The following NFRKB variants were observed in gnomAD, a reference collection of about 807,000 sequenced individuals.
The protein encoded by NFRKB is nuclear factor related to kappa-B-binding protein.
In NFRKB, 62 loss-of-function variants were observed where a neutral mutation model predicts 135.7. That is an observed-to-expected ratio of 0.46 (90% confidence interval 0.37 to 0.56). The LOEUF is 0.56. Ranked by LOEUF, NFRKB falls within the 20% of genes least tolerant of loss-of-function variation. The pLI, the probability that NFRKB is intolerant of heterozygous loss-of-function variation, is 0.00. For missense variants in NFRKB, 1,545 were observed against 1,662.0 expected, an observed-to-expected ratio of 0.93 and a Z score of 1.22; for synonymous variants, 678 against 635.6, an observed-to-expected ratio of 1.07 and a Z score of -1.00.
Position 129,884,828 on chromosome 11 carries a change from G to C in NFRKB, c.659C>G (p.Pro220Arg). 6.2e-7 allele frequency: 1 copy of C among 1,614,194 alleles called. No individual in the cohort carries two copies. Among genetic ancestry groups the C allele is most frequent in the Non-Finnish European group, 8.5e-7 (1 of 1,180,012 alleles). The part of the protein sequence containing the change: ...SDEEDLSSWL[P>R]SSPARSPSPA... The stretch of plus-strand genomic sequence containing the variant: ...ACTAGGAGAACGTGCTGGAGAGCTC[G>C]GAAGCCATGAGCTGAGATCTTCAAA... Residue 220 changes from proline to arginine, a missense_variant, in exon 7 of 27, where the codon CCG becomes CGG. Pro to Arg is a moderately radical substitution (Grantham distance 103). This residue lies in a region of NFRKB where 678 missense variants were observed against 646.7 expected (regional missense o/e 1.05). Transcript: ENST00000682444.
At chr11:129,885,020 C>A in intron 6 of NFRKB, 174 bp from the exon 7 acceptor site, 1 of 891,944 alleles carries the variant, frequency 1.1e-6, no homozygotes, top group Non-Finnish European at 1.7e-6. Context: ...GGTCATCTAA[C>A]GGCTCTTCCA....
rs1212608056 is a variant in NFRKB at position 129,874,512 on chromosome 11, GGGGCTT to G, written c.2041_2046del (p.Lys681_Pro682del). On this transcript the variant is annotated inframe_deletion, in exon 20 of 27. Coordinates refer to ENST00000682444, the MANE Select transcript of NFRKB (RefSeq NM_001143835.2). The surrounding 1 kb of genome is among the most constrained non-coding windows in gnomAD (Gnocchi z 4.5). ...CTGAAGTCACTTACCACCTTGGATG[GGGGCTT>G]GGGTTTTTGCTGAAGAGCTTTTCTG... 1 of 1,613,880 alleles carries G rather than the reference GGGGCTT, an allele frequency of 6.2e-7. No homozygotes were observed. Among genetic ancestry groups the G allele is most frequent in the Non-Finnish European group, 8.5e-7 (1 of 1,179,978 alleles).
At chr11:129,888,545 G>A (rs368130249) in intron 4 of NFRKB, 49 bp downstream of exon 4, 89 of 1,499,170 alleles carry the variant, frequency 5.9e-5, no homozygotes, top group Non-Finnish European at 8.1e-5. Context: ...TAAAGTGAAC[G>A]TGTGCCCATC....
intron 24 of NFRKB, among the ~76,000 whole-genome samples, chr11:129,866,943 C>A (rs1948221761): frequency 6.6e-6 from 1 of 152,084 alleles, no homozygotes; most frequent in South Asian, 2.1e-4. Context: ...CAGCCTGGAG[C>A]CTGTTAAAAA....
At chr11:129,882,036 T>C (rs755571094) in intron 11 of NFRKB, 50 bp downstream of exon 11, 3 of 1,517,778 alleles carry the variant, frequency 2.0e-6, no homozygotes, top group South Asian at 1.3e-5. Context: ...ATTCAGGATT[T>C]GAACACTTTG....
chr11:129,864,600 T>C lies in NFRKB; in HGVS notation c.*125A>G. On this transcript the variant is annotated 3_prime_UTR_variant, in exon 27 of 27. Transcript: ENST00000682444. ...CCAGGCCACGAATCCAGGCCACCGT[T>C]GCCATCACCCCTCGCCTGGCTGCCT... is the stretch of plus-strand genomic sequence containing the variant. The C allele has an allele frequency of 7.4e-7, 1 of 1,357,360 alleles. No individual in the cohort carries two copies. The highest frequency in any genetic ancestry group is 1.4e-5 in the African/African-American group (1 of 69,704). The allele number at this position is 1,357,360 out of a possible 1,614,324, so 84.1% of individuals were successfully genotyped here.
intron 4 of NFRKB, 149 bp from the exon 5 acceptor site, chr11:129,886,593 A>G (rs2135670418): frequency 1.4e-6 from 1 of 730,876 alleles, no homozygotes; most frequent in South Asian, 1.9e-5. Context: ...AAGAAGGAGA[A>G]CCAAAAGTAA....
In NFRKB at chr11:129,886,369, G is replaced by A. The variant is rs760461156; in HGVS notation, c.413C>T (p.Ser138Phe). 6.2e-7 allele frequency: 1 copy of A among 1,614,126 alleles called. No individual in the cohort carries two copies. The highest frequency in any genetic ancestry group is 1.7e-5 in the Admixed American group (1 of 60,018). ...CAGCCGATGGAAATACTGCTGCTGG[G>A]AGTTGAGGTAGCGCTTGTACTGTGA... ...FKSQYKRYLN[S>F]QQQYFHRLLK... The change falls in exon 5 of 27, where the codon TCC becomes TTC. Residue 138 changes from serine to phenylalanine, a missense_variant. By Grantham distance (155) the Ser-to-Phe change is radical. Coordinates refer to ENST00000682444, the MANE Select transcript of NFRKB (RefSeq NM_001143835.2).
chr11:129,888,432 G>A (rs1650823), intron 4 of NFRKB, 162 bp downstream of exon 4: 526,210 of 762,316 alleles, frequency 0.69, 186,063 homozygotes, highest in African/African-American at 0.88. Flanking sequence ...TTGTTTTTTA[G>A]AACACAGCCT....
intron 13 of NFRKB, 146 bp from the exon 14 acceptor site, chr11:129,878,689 A>G (rs1437331911): frequency 1.4e-6 from 1 of 703,230 alleles, no homozygotes; most frequent in African/African-American, 1.8e-5. Context: ...ACTGCCTTCC[A>G]GCTGGCGGAA....
chr11:129,870,562 T>A (rs969667394), intron 23 of NFRKB, among the ~76,000 whole-genome samples: 2 of 152,142 alleles, frequency 1.3e-5, no homozygotes, highest in African/African-American at 2.4e-5. Flanking sequence ...TCTGTATACA[T>A]CAATAACCTA....
At chr11:129,877,210 T>C (rs1675683436) in intron 16 of NFRKB, 115 bp downstream of exon 16, 1 of 1,076,232 alleles carries the variant, frequency 9.3e-7, no homozygotes, top group Non-Finnish European at 1.4e-6. Flanking sequence ...ACAGAAGGTC[T>C]AAGGGGAAAG....
At chr11:129,866,023 T>A (rs1948175323) in intron 24 of NFRKB, 40 bp from the exon 25 acceptor site, 3 of 1,530,750 alleles carry the variant, frequency 2.0e-6, no homozygotes, top group Admixed American at 1.9e-5. Context: ...AGACAGGAGG[T>A]AAGGAAAACC....
At chr11:129,884,221 T>C in intron 7 of NFRKB, 78 bp from the exon 8 acceptor site, 1 of 1,454,122 alleles carries the variant, frequency 6.9e-7, no homozygotes, top group South Asian at 1.1e-5. Context: ...AAAAGTAAGA[T>C]ATTTCTGAGT....
chr11:129,889,407 C>T (rs1037205138), intron 3 of NFRKB, among the ~76,000 whole-genome samples: 4 of 151,990 alleles, frequency 2.6e-5, no homozygotes, highest in Admixed American at 6.6e-5. Context: ...CCTCTGCCAA[C>T]GAGGGTATGA....
chr11:129,874,362 T>C lies in NFRKB; in HGVS notation c.2059-29A>G. ...GAACGGAAGACAAAGAAAACTCACC[T>C]GGTGTCGTGAAGATCCCCCTAAAGG... is the stretch of plus-strand genomic sequence containing the variant. On this transcript the variant is annotated intron_variant, in intron 20 of 26. Coordinates refer to ENST00000682444, the MANE Select transcript of NFRKB (RefSeq NM_001143835.2). The surrounding 1 kb of genome is among the most constrained non-coding windows in gnomAD (Gnocchi z 4.5). The C allele has an allele frequency of 1.3e-6, 2 of 1,520,004 alleles. No individual in the cohort carries two copies. Among genetic ancestry groups the C allele is most frequent in the Non-Finnish European group, 1.8e-6 (2 of 1,136,808 alleles). 94.2% of individuals were successfully genotyped at this position (1,520,004 alleles called of 1,614,324 possible).
rs778463750 is a variant in NFRKB, at chr11:129,869,730, G to A, written c.3295C>T (p.Pro1099Ser). 7.4e-6 allele frequency: 12 copies of A among 1,614,124 alleles called. No individual in the cohort carries two copies. The South Asian group carries it at 1.2e-4, about 16-fold the overall frequency. ...ACGGTGATGGTCTGGCCTGCTTTGG[G>A]AGGCATCACTCCCAGTCCCTGCACG... Reference protein sequence around the residue: ...RIVQGLGVMPPKAGQTITVAT... With the variant: ...RIVQGLGVMPSKAGQTITVAT... The change falls in exon 24 of 27, where the codon CCC (proline) becomes TCC (serine). Residue 1099 changes from proline (P) to serine (S), a missense_variant. Pro to Ser is a moderately conservative substitution (Grantham distance 74, BLOSUM62 -1). Transcript: ENST00000682444.
intron 15 of NFRKB, among the ~76,000 whole-genome samples, chr11:129,877,736 T>G (rs1303125403): frequency 6.6e-6 from 1 of 151,990 alleles, no homozygotes; most frequent in Non-Finnish European, 1.5e-5. Context: ...TAGATAAGGG[T>G]TGTTTTTCTA....
At chr11:129,889,000 G>A (rs912751200) in intron 3 of NFRKB, among the ~76,000 whole-genome samples, 1 of 148,948 alleles carries the variant, frequency 6.7e-6, no homozygotes, top group African/African-American at 2.5e-5. Context: ...TTCTTTTTGA[G>A]ACCAAATTTT....
Sources: allele counts gnomAD v4.1 joint callset (sites outside exome capture counted in the v4.1 genomes callset), GRCh38; gene constraint gnomAD v4.1.1; regional missense constraint gnomAD v4.1.1; non-coding constraint Gnocchi (gnomAD v3.1); transcripts MANE v1.5; gene names NCBI Gene and HGNC (gene_info 2026-07-23, HGNC 2026-07-21).